Variants in SH3PXD2A observed in about 807,000 individuals in gnomAD.
The protein encoded by SH3PXD2A is SH3 and PX domain-containing protein 2A.
SH3PXD2A carries 32 observed loss-of-function variants against 115.2 expected under a neutral mutation model. That is an observed-to-expected ratio of 0.28 (90% CI 0.21 to 0.37). The LOEUF (loss-of-function observed/expected upper bound fraction) is 0.37, where lower values mean the gene tolerates loss of function less well. Ranked by LOEUF, SH3PXD2A falls within the 10% of genes least tolerant of loss-of-function variation. The pLI, the probability that SH3PXD2A is intolerant of heterozygous loss-of-function variation, is 1.00. For missense variants in SH3PXD2A, 1,328 were observed against 1,498.7 expected (o/e 0.89, Z 1.88); for synonymous variants, 610 against 629.1 (o/e 0.97, Z 0.45).
intron 6 of SH3PXD2A, among the ~76,000 whole-genome samples, chr10:103,687,601 G>A (rs1395722451): frequency 2.0e-5 from 3 of 152,134 alleles, no homozygotes; most frequent in Non-Finnish European, 2.9e-5. Context: ...CACCTGGCTA[G>A]CAGCCCCCTG....
At chr10:103,787,361 T>C (rs920141749) in intron 2 of SH3PXD2A, among the ~76,000 whole-genome samples, 9 of 152,182 alleles carry the variant, frequency 5.9e-5, no homozygotes, top group African/African-American at 2.2e-4. Context: ...AATATATATA[T>C]AAAGCAATGG....
chr10:103,809,237 AC>A (rs1230774093), intron 1 of SH3PXD2A, among the ~76,000 whole-genome samples: 9 of 152,122 alleles, frequency 5.9e-5, no homozygotes, highest in African/African-American at 2.2e-4. Flanking sequence ...GTGGAGGGTG[AC>A]CTCCATGGTA....
chr10:103,688,654 CAGA>C (rs2134121442), intron 6 of SH3PXD2A, among the ~76,000 whole-genome samples: 1 of 152,236 alleles, frequency 6.6e-6, no homozygotes, highest in East Asian at 1.9e-4. Flanking sequence ...GTTTAAGGAG[CAGA>C]AGGTGACTGG....
At chr10:103,713,446 C>G (rs144289055) in intron 5 of SH3PXD2A, among the ~76,000 whole-genome samples, 1 of 152,338 alleles carries the variant, frequency 6.6e-6, no homozygotes, top group East Asian at 1.9e-4. Flanking sequence ...TTAATGACTG[C>G]CTCAGGCCTA....
chr10:103,813,847 G>T (rs984966045), intron 1 of SH3PXD2A, among the ~76,000 whole-genome samples: 1 of 151,858 alleles, frequency 6.6e-6, no homozygotes, highest in Non-Finnish European at 1.5e-5. Context: ...AATCACCTGG[G>T]GTGCCTTAAA....
At chr10:103,662,346 G>GGGGC (rs2037319984) in intron 7 of SH3PXD2A, among the ~76,000 whole-genome samples, 1 of 91,050 alleles carries the variant, frequency 1.1e-5, no homozygotes, top group Non-Finnish European at 2.1e-5. Flanking sequence ...ATTGGCGGGG[G>GGGGC]GGGGGGCGGG....
chr10:103,629,389 A>C (rs1337362199), intron 8 of SH3PXD2A, among the ~76,000 whole-genome samples: 1 of 152,224 alleles, frequency 6.6e-6, no homozygotes, highest in East Asian at 1.9e-4. Flanking sequence ...AGTGGTTATT[A>C]GAGCACCAGA....
intron 3 of SH3PXD2A, among the ~76,000 whole-genome samples, chr10:103,740,257 G>A (rs1026624813): frequency 1.3e-5 from 2 of 152,194 alleles, no homozygotes; most frequent in South Asian, 2.1e-4. Flanking sequence ...AAGTCACACA[G>A]CTATCTAGTG....
chr10:103,613,279 G>T, intron 11 of SH3PXD2A, 89 bp from the exon 12 acceptor site: 4 of 1,002,906 alleles, frequency 4.0e-6, no homozygotes, highest in Non-Finnish European at 5.9e-6. Context: ...GCCTTGCCCA[G>T]TGGAGCCTTC....
intron 1 of SH3PXD2A, among the ~76,000 whole-genome samples, chr10:103,815,901 A>AG (rs1236309229): frequency 1.4e-3 from 205 of 151,622 alleles, no homozygotes; most frequent in Admixed American, 3.5e-3. Context: ...AAAAAAAAAA[A>AG]GAAAAAGAAA....
chr10:103,779,306 G>T (rs1487843505), intron 2 of SH3PXD2A, among the ~76,000 whole-genome samples: 1 of 152,176 alleles, frequency 6.6e-6, no homozygotes, highest in Non-Finnish European at 1.5e-5. Flanking sequence ...GACCTCAAGC[G>T]ATCCACCCGC....
rs1272622978 is a variant in SH3PXD2A, at chr10:103,598,312, A to G, written c.*3504T>C. On this transcript the variant is annotated 3_prime_UTR_variant, in exon 15 of 15. Transcript: ENST00000369774. The stretch of plus-strand genomic sequence containing the variant: ...TTTCCAGCTCTCTCTCACTGCCCCC[A>G]AAGTCCCATGGCCTGGTGAGAATAG... 1 of 152,540 alleles carries G rather than the reference A, an allele frequency of 6.6e-6. No individual in the cohort carries two copies. Among genetic ancestry groups the G allele is most frequent in the East Asian group, 1.9e-4 (1 of 5,204 alleles). The allele number at this position is 152,540 out of a possible 1,614,324, so 9.4% of individuals were successfully genotyped here.
chr10:103,836,514 TCCC>T (rs1300101462), intron 1 of SH3PXD2A, among the ~76,000 whole-genome samples: 1 of 142,006 alleles, frequency 7.0e-6, no homozygotes, highest in African/African-American at 2.7e-5. Context: ...ACACAGCACA[TCCC>T]CCAATACACA....
chr10:103,602,807 G>A lies in SH3PXD2A; in HGVS notation c.2411C>T (p.Pro804Leu), dbSNP rs200869697. 8.7e-6 allele frequency: 14 copies of A among 1,614,006 alleles called. No homozygotes were observed. Among genetic ancestry groups the A allele is most frequent in the African/African-American group, 4.0e-5 (3 of 74,920 alleles). The part of the protein sequence containing the change: ...GSKSEDSELP[P>L]QTASEAPSEG... ...ACTGGGAGCCTCGGAGGCCGTCTGCGGGGGCAGCTCCGAATCCTCACTCTT... is the reference window on the plus strand; with the variant it reads ...ACTGGGAGCCTCGGAGGCCGTCTGCAGGGGCAGCTCCGAATCCTCACTCTT... The change falls in exon 15 of 15, where the codon CCG becomes CTG. Residue 804 changes from proline to leucine, a missense_variant. Coordinates refer to ENST00000369774, the MANE Select transcript of SH3PXD2A (RefSeq NM_001394015.1).
At chr10:103,855,078 G>T in intron 1 of SH3PXD2A, 117 bp downstream of exon 1, 1 of 579,994 alleles carries the variant, frequency 1.7e-6, no homozygotes, top group Non-Finnish European at 2.9e-6. Flanking sequence ...CACGGCTGCT[G>T]GCTGCCCAGT....
rs192339714 is a variant in SH3PXD2A, at chr10:103,692,316, C to T, written c.427+712G>A. On this transcript the variant is annotated intron_variant, in intron 6 of 14. Transcript: ENST00000369774. ...GCCCACAGCTCCGAGGGCTGGCCCGCCTCTCTCCCTGCCTCCACCCCCTTC... is the reference window on the plus strand; with the variant it reads ...GCCCACAGCTCCGAGGGCTGGCCCGTCTCTCTCCCTGCCTCCACCCCCTTC... 2.5e-3 allele frequency among the ~76,000 whole-genome samples: 386 copies of T among 152,228 alleles called. 2 individuals carry two copies. Among genetic ancestry groups the T allele is most frequent in the Non-Finnish European group, 4.1e-3 (279 of 68,004 alleles).
chr10:103,807,043 G>C (rs1286189304), intron 1 of SH3PXD2A, among the ~76,000 whole-genome samples: 1 of 152,168 alleles, frequency 6.6e-6, no homozygotes, highest in Non-Finnish European at 1.5e-5. Flanking sequence ...TTCCAAAATC[G>C]CCTTCCCAGT....
At chr10:103,777,222 C>A (rs952351461) in intron 2 of SH3PXD2A, among the ~76,000 whole-genome samples, 4 of 152,264 alleles carry the variant, frequency 2.6e-5, no homozygotes, top group African/African-American at 9.6e-5. Context: ...TCCATACACA[C>A]CGGCTATTCT....
At chr10:103,675,380 A>C (rs532684171) in intron 6 of SH3PXD2A, among the ~76,000 whole-genome samples, 1 of 152,382 alleles carries the variant, frequency 6.6e-6, no homozygotes, top group African/African-American at 2.4e-5. Flanking sequence ...AATAAACAGA[A>C]GTACTCAAGA....
Sources: gnomAD v4.1 joint callset for allele counts (sites outside exome capture counted in the v4.1 genomes callset) on GRCh38, gnomAD v4.1.1 for gene constraint, MANE v1.5 for transcripts, NCBI Gene and HGNC (gene_info 2026-07-23, HGNC 2026-07-21) for gene names.